Variants in ZER1 observed in about 807,000 individuals in gnomAD.
The protein encoded by ZER1 is zyg-11 related cell cycle regulator, also known as protein zer-1 homolog.
A neutral mutation model predicts 78.8 loss-of-function variants in ZER1; 11 were observed. The ratio of observed to expected loss-of-function variants is 0.14; its 90% confidence interval spans 0.09 to 0.23. ZER1 has a LOEUF of 0.23. Ranked by LOEUF, ZER1 falls within the 10% of genes least tolerant of loss-of-function variation. The pLI is 1.00. For missense variants in ZER1, 588 were observed against 996.9 expected (o/e 0.59, Z 5.52); for synonymous variants, 400 against 407.0 (o/e 0.98, Z 0.21).
intron 13 of ZER1, among the ~76,000 whole-genome samples, chr9:128,736,640 T>C (rs1210395261): frequency 1.3e-5 from 2 of 150,816 alleles, no homozygotes; most frequent in African/African-American, 4.9e-5. Context: ...CCCAAAGTGC[T>C]AGGATTACAG....
chr9:128,740,133 G>A lies in ZER1; in HGVS notation c.1854-14C>T, dbSNP rs1283281127. 3 of 1,578,288 alleles carry A rather than the reference G, an allele frequency of 1.9e-6. No homozygotes were observed. The highest frequency in any genetic ancestry group is 1.8e-5 in the Admixed American group (1 of 56,742). On this transcript the variant is annotated splice_polypyrimidine_tract_variant and intron_variant, in intron 12 of 15. Transcript: ENST00000291900. This position sits in a 1 kb window ranked among gnomAD's most constrained non-coding sequence, Gnocchi z 4.4. ...TCCAACAGGTTGCTGCCAGGAGAAAGACAGAAAAATGGAGTCCCACTCCCC... is the reference window on the plus strand; with the variant it reads ...TCCAACAGGTTGCTGCCAGGAGAAAAACAGAAAAATGGAGTCCCACTCCCC...
At chr9:128,731,447 C>G in intron 15 of ZER1, 53 bp from the exon 16 acceptor site, 1 of 1,347,642 alleles carries the variant, frequency 7.4e-7, no homozygotes, top group Non-Finnish European at 1.1e-6. Context: ...TGGGGGTGAG[C>G]CCAGCCCCTC....
Position 128,754,022 on chromosome 9 carries a change from C to T in ZER1, c.159-63G>A. 1.3e-6 allele frequency: 2 copies of T among 1,530,202 alleles called. No individual in the cohort carries two copies. The highest frequency in any genetic ancestry group is 8.8e-7 in the Non-Finnish European group (1 of 1,133,912). 94.8% of individuals were successfully genotyped at this position (1,530,202 alleles called of 1,614,324 possible). A position where few individuals can be genotyped will look rare whatever the true frequency, so the allele number is the denominator to read the frequency against. ...AGGGACTCTCATCCTCGCTTCAAAG[C>T]CAAGCCCTCCTCCCCCTGAAGCTTT... On this transcript the variant is annotated intron_variant, in intron 2 of 15. Transcript: ENST00000291900. This position sits in a 1 kb window ranked among gnomAD's most constrained non-coding sequence, Gnocchi z 4.3.
chr9:128,753,131 C>A lies in ZER1; in HGVS notation c.746+33G>T. 6.7e-7 allele frequency: 1 copy of A among 1,498,180 alleles called. No individual in the cohort carries two copies. The allele number at this position is 1,498,180 out of a possible 1,614,324, so 92.8% of individuals were successfully genotyped here. A position where few individuals can be genotyped will look rare whatever the true frequency, so the allele number is the denominator to read the frequency against. ...ACTCCTCCCCACCTGCCCCCCAAACCCCACCCTGGTGAGCTCTGGGCCAGG... is the reference window on the plus strand; with the variant it reads ...ACTCCTCCCCACCTGCCCCCCAAACACCACCCTGGTGAGCTCTGGGCCAGG... On this transcript the variant is annotated intron_variant, in intron 4 of 15. Coordinates refer to ENST00000291900, the MANE Select transcript of ZER1 (RefSeq NM_006336.4). This position sits in a 1 kb window ranked among gnomAD's most constrained non-coding sequence, Gnocchi z 7.5.
chr9:128,737,406 T>G (rs1423305690), intron 13 of ZER1, among the ~76,000 whole-genome samples: 4 of 152,206 alleles, frequency 2.6e-5, no homozygotes, highest in Admixed American at 6.5e-5. Context: ...CCCCAAGAAC[T>G]ATAGTACTTG....
In ZER1 at chr9:128,752,711, G is replaced by A; in HGVS notation, c.885C>T (p.Cys295=). 3 of 1,613,988 alleles carry A rather than the reference G, an allele frequency of 1.9e-6. No homozygotes were observed. Among genetic ancestry groups the A allele is most frequent in the Non-Finnish European group, 2.5e-6 (3 of 1,179,952 alleles). Reference sequence around the variant, plus strand: ...CTTCCTCTTCCATCTTGGAGATGCTGCAGTTCTCTAGGATCATGTGGCCAG... The same window carrying A: ...CTTCCTCTTCCATCTTGGAGATGCTACAGTTCTCTAGGATCATGTGGCCAG... The part of the protein sequence containing the change: ...DISGHMILEN[C]SISKMEEEAG... The change falls in exon 5 of 16, where the codon TGC becomes TGT. Residue 295 remains cysteine (C), a synonymous_variant. Transcript: ENST00000291900.
chr9:128,764,128 G>A lies in ZER1; in HGVS notation c.-95+7453C>T, dbSNP rs118179634. Reference sequence around the variant, plus strand: ...TGCAAGGAGAGGGGGTGCATGGGACGTTGGCACTACGGGCCCAGGTCCATG... The same window carrying A: ...TGCAAGGAGAGGGGGTGCATGGGACATTGGCACTACGGGCCCAGGTCCATG... On this transcript the variant is annotated intron_variant, in intron 1 of 15. Transcript: ENST00000291900. Among the ~76,000 whole-genome samples, 933 of 152,278 alleles carry A rather than the reference G, an allele frequency of 6.1e-3. 7 individuals are homozygous for A. The highest frequency in any genetic ancestry group is 0.042 in the South Asian group (202 of 4,826).
intron 7 of ZER1, 113 bp from the exon 8 acceptor site, chr9:128,750,902 AG>A: frequency 1.3e-6 from 2 of 1,492,360 alleles, no homozygotes; most frequent in Non-Finnish European, 1.8e-6. Context: ...TGCTCTCTAA[AG>A]GCAGAAGTGG....
intron 13 of ZER1, among the ~76,000 whole-genome samples, chr9:128,735,683 G>C (rs1863042309): frequency 6.7e-6 from 1 of 150,324 alleles, no homozygotes; most frequent in South Asian, 2.1e-4. Flanking sequence ...GAAAGCTGGA[G>C]ACCTCAGCAA....
At chr9:128,741,933 A>C in intron 9 of ZER1, 92 bp from the exon 10 acceptor site, 18 of 1,539,740 alleles carry the variant, frequency 1.2e-5, no homozygotes, top group Non-Finnish European at 1.6e-5. Flanking sequence ...CAGCAACGCC[A>C]TGGCTAGTTC....
chr9:128,768,880 ACATT>A (rs1475738090), intron 1 of ZER1, among the ~76,000 whole-genome samples: 1 of 152,080 alleles, frequency 6.6e-6, no homozygotes, highest in African/African-American at 2.4e-5. Flanking sequence ...TCTCCAAGTC[ACATT>A]CATTTCAACA....
Position 128,740,203 on chromosome 9 carries a change from A to C in ZER1, c.1854-84T>G. ...AGCGGCAGGACCCCAACTTAAAACC[A>C]GAAGCAAGAGGTGCTACTTATTTCT... On this transcript the variant is annotated intron_variant, in intron 12 of 15. Coordinates refer to ENST00000291900, the MANE Select transcript of ZER1 (RefSeq NM_006336.4). The surrounding 1 kb of genome is among the most constrained non-coding windows in gnomAD (Gnocchi z 4.4). The C allele has an allele frequency of 7.4e-7, 1 of 1,346,132 alleles. No homozygotes were observed. The highest frequency in any genetic ancestry group is 1.4e-5 in the South Asian group (1 of 71,130). The allele number at this position is 1,346,132 out of a possible 1,614,324, so 83.4% of individuals were successfully genotyped here.
chr9:128,754,958 G>A lies in ZER1; in HGVS notation c.158+450C>T, dbSNP rs1264945711. Among the ~76,000 whole-genome samples the A allele has an allele frequency of 1.3e-5, 2 of 152,154 alleles. No individual in the cohort carries two copies. The highest frequency in any genetic ancestry group is 2.4e-5 in the African/African-American group (1 of 41,420). ...TGATTCACTCCCTGATCATGGATCC[G>A]TTATTCTGGCACCGGCATGTACATG... On this transcript the variant is annotated intron_variant, in intron 2 of 15. Transcript: ENST00000291900. The surrounding 1 kb of genome is among the most constrained non-coding windows in gnomAD (Gnocchi z 4.3).
intron 1 of ZER1, among the ~76,000 whole-genome samples, chr9:128,760,811 TAA>T (rs202094907): frequency 6.5e-5 from 9 of 139,344 alleles, no homozygotes; most frequent in Non-Finnish European, 1.2e-4. Flanking sequence ...AGACTCCGTT[TAA>T]AAAAAAAAAA....
At chr9:128,731,533 C>T (rs1046339440) in intron 15 of ZER1, 139 bp from the exon 16 acceptor site, 9 of 666,636 alleles carry the variant, frequency 1.4e-5, no homozygotes, top group African/African-American at 3.6e-5. Context: ...GACAGAGGGG[C>T]TGGCAGAGTG....
At chr9:128,762,062 G>A (rs1389679831) in intron 1 of ZER1, among the ~76,000 whole-genome samples, 5 of 151,864 alleles carry the variant, frequency 3.3e-5, no homozygotes, top group Non-Finnish European at 7.4e-5. Flanking sequence ...TTTGAATGCA[G>A]CCCAACACAA....
intron 1 of ZER1, among the ~76,000 whole-genome samples, chr9:128,766,199 A>C (rs1328012540): frequency 6.6e-6 from 1 of 151,986 alleles, no homozygotes; most frequent in Non-Finnish European, 1.5e-5. Context: ...AAATACAAAA[A>C]TTAGCAGGGC....
intron 8 of ZER1, among the ~76,000 whole-genome samples, chr9:128,745,084 G>A (rs889041534): frequency 3.3e-5 from 5 of 151,958 alleles, no homozygotes; most frequent in South Asian, 2.1e-4. Context: ...ACTGTTTTCC[G>A]CAGTGGCTTT....
intron 13 of ZER1, among the ~76,000 whole-genome samples, chr9:128,739,189 G>A (rs770994225): frequency 2.8e-4 from 43 of 152,052 alleles, no homozygotes; most frequent in Admixed American, 7.2e-4. Context: ...GTCTCACTAT[G>A]TTGCCCAAGC....
Sources: allele counts gnomAD v4.1 joint callset (sites outside exome capture counted in the v4.1 genomes callset), GRCh38; gene constraint gnomAD v4.1.1; non-coding constraint Gnocchi (gnomAD v3.1); transcripts MANE v1.5; gene names NCBI Gene and HGNC (gene_info 2026-07-23, HGNC 2026-07-21).